SSH2: variants seen among roughly 807,000 people sequenced by gnomAD.
SSH2 encodes protein phosphatase Slingshot homolog 2.
A neutral mutation model predicts 135.2 loss-of-function variants in SSH2; 37 were observed. The ratio of observed to expected loss-of-function variants is 0.27; its 90% CI spans 0.21 to 0.36. The LOEUF (loss-of-function observed/expected upper bound fraction) is 0.36, where lower values mean the gene tolerates loss of function less well. SSH2 is among the 10% of genes least tolerant of loss of function. The probability of loss-of-function intolerance (pLI) is 1.00; values close to 1 mark genes in which losing one functional copy is unlikely to be tolerated. For missense variants in SSH2, 1,408 were observed against 1,765.3 expected, an observed-to-expected ratio of 0.80 and a Z score of 3.63; for synonymous variants, 628 against 646.2, an observed-to-expected ratio of 0.97 and a Z score of 0.43.
rs1178563806 is a variant in SSH2 at position 29,883,340 on chromosome 17, C to T, written c.64-34411G>A. 2.0e-5 allele frequency among the ~76,000 whole-genome samples: 3 copies of T among 151,974 alleles called. No homozygotes were observed. The East Asian group carries it at 5.8e-4, about 29-fold the overall frequency. ...ATGTTAGGTGTCATTTTATTGAGTG[C>T]CCACTATGTGCTTAACAGCTGTAAA... On this transcript the variant is annotated intron_variant, in intron 1 of 15. Coordinates refer to ENST00000540801, the MANE Select transcript of SSH2 (RefSeq NM_001282129.2).
chr17:29,772,685 C>T lies in SSH2; in HGVS notation c.188+21209G>A, dbSNP rs569579092. Among the ~76,000 whole-genome samples, 71 of 151,998 alleles carry T rather than the reference C, an allele frequency of 4.7e-4. 1 individual carries two copies. The highest frequency in any genetic ancestry group is 1.6e-3 in the African/African-American group (68 of 41,432). On this transcript the variant is annotated intron_variant, in intron 3 of 15. Coordinates refer to ENST00000540801, the MANE Select transcript of SSH2 (RefSeq NM_001282129.2). ...CAACCAATCTACCTGGGCTACAGGC[C>T]GAGATAGAACATAAAAGGAGAAAAA...
intron 2 of SSH2, among the ~76,000 whole-genome samples, chr17:29,837,619 C>A (rs1046615350): frequency 7.2e-5 from 11 of 152,330 alleles, no homozygotes; most frequent in African/African-American, 2.2e-4. Flanking sequence ...CCCACTCTCC[C>A]AGGCCCAGAG....
At chr17:29,743,212 G>GC (rs1451277540) in intron 3 of SSH2, among the ~76,000 whole-genome samples, 1 of 152,194 alleles carries the variant, frequency 6.6e-6, no homozygotes, top group Non-Finnish European at 1.5e-5. Flanking sequence ...ACCATGCATA[G>GC]CACAGAAGTT....
At chr17:29,926,462 G>C (rs929436989) in intron 1 of SSH2, among the ~76,000 whole-genome samples, 1 of 151,660 alleles carries the variant, frequency 6.6e-6, no homozygotes. Flanking sequence ...GCTGAGGTGC[G>C]AGGATCACTT....
rs1471926081 is a variant in SSH2, at chr17:29,913,348, A to T, written c.63+16590T>A. ...AAAAAAAAAAAAAAAAAAAAAAAAAATATATATATATATATATATATATAT... is the reference window on the plus strand; with the variant it reads ...AAAAAAAAAAAAAAAAAAAAAAAAATTATATATATATATATATATATATAT... On this transcript the variant is annotated intron_variant, in intron 1 of 15. Coordinates refer to ENST00000540801, the MANE Select transcript of SSH2 (RefSeq NM_001282129.2). Among the ~76,000 whole-genome samples the T allele has an allele frequency of 2.3e-3, 32 of 13,684 alleles. 2 individuals are homozygous for T. The highest frequency in any genetic ancestry group is 5.9e-3 in the South Asian group (1 of 170). The allele number at this position is 13,684 out of a possible 152,430, so 9.0% of individuals were successfully genotyped here.
chr17:29,882,761 A>C lies in SSH2; in HGVS notation c.64-33832T>G, dbSNP rs143099475. Among the ~76,000 whole-genome samples the C allele has an allele frequency of 7.3e-3, 1,109 of 152,222 alleles. 20 individuals are homozygous for C. Among genetic ancestry groups the C allele is most frequent in the African/African-American group, 0.025 (1,054 of 41,534 alleles). On this transcript the variant is annotated intron_variant, in intron 1 of 15. Transcript: ENST00000540801. Reference sequence around the variant, plus strand: ...AGCAAAACTCCATCTCAAAAATAACAAATAAATAAAATAAAGATGCTCCCA... The same window carrying C: ...AGCAAAACTCCATCTCAAAAATAACCAATAAATAAAATAAAGATGCTCCCA...
At chr17:29,915,573 T>C (rs1437844216) in intron 1 of SSH2, among the ~76,000 whole-genome samples, 1 of 152,190 alleles carries the variant, frequency 6.6e-6, no homozygotes, top group Admixed American at 6.5e-5. Flanking sequence ...TGCAACGATC[T>C]GTCCCACTAT....
rs1191051835 is a variant in SSH2, at chr17:29,631,281, G to T, written c.3913C>A (p.Pro1305Thr). 1.5e-5 allele frequency: 25 copies of T among 1,613,970 alleles called. No individual in the cohort carries two copies. The highest frequency in any genetic ancestry group is 2.7e-5 in the African/African-American group (2 of 74,866). ...LCKDCLPEREPASCESPHLKL... is the reference protein window; with the variant it reads ...LCKDCLPERETASCESPHLKL... ...AGATGAGGGGATTCACAGGAGGCAGGCTCCCTCTCTGGTAAGCAGTCTTTA... is the reference window on the plus strand; with the variant it reads ...AGATGAGGGGATTCACAGGAGGCAGTCTCCCTCTCTGGTAAGCAGTCTTTA... The change falls in exon 16 of 16, where the codon CCT becomes ACT. Residue 1305 changes from proline (P) to threonine (T), a missense_variant. Pro to Thr is a conservative substitution (Grantham distance 38, BLOSUM62 -1). Around this residue, in one of 3 missense-constraint regions of SSH2, gnomAD observed 1,080 missense variants for 1,144.5 expected, o/e 0.94. Transcript: ENST00000540801.
At chr17:29,883,078 T>A (rs1189508453) in intron 1 of SSH2, 1 of 151,752 alleles carries the variant, frequency 6.6e-6, no homozygotes, top group Non-Finnish European at 1.5e-5. Flanking sequence ...CCTTAAACCT[T>A]GTTACAATAT....
chr17:29,753,930 A>T (rs1175929813), intron 3 of SSH2, among the ~76,000 whole-genome samples: 2 of 152,226 alleles, frequency 1.3e-5, no homozygotes, highest in African/African-American at 2.4e-5. Flanking sequence ...AAATGTTTAC[A>T]TATGTATACA....
At chr17:29,745,400 C>A (rs771776606) in intron 3 of SSH2, among the ~76,000 whole-genome samples, 1 of 152,190 alleles carries the variant, frequency 6.6e-6, no homozygotes, top group Non-Finnish European at 1.5e-5. Context: ...ACTCAAGTGA[C>A]CCGCCTGCCT....
At chr17:29,654,957 A>G (rs1465923993) in intron 12 of SSH2, among the ~76,000 whole-genome samples, 1 of 152,354 alleles carries the variant, frequency 6.6e-6, no homozygotes, top group African/African-American at 2.4e-5. Flanking sequence ...AACCCTACAT[A>G]TGCAATTCTA....
chr17:29,716,099 G>A (rs1227854494), intron 3 of SSH2, among the ~76,000 whole-genome samples: 4 of 152,100 alleles, frequency 2.6e-5, no homozygotes, highest in Non-Finnish European at 4.4e-5. Flanking sequence ...AGAGAATGAT[G>A]TGACCTATGT....
intron 3 of SSH2, among the ~76,000 whole-genome samples, chr17:29,740,891 ATTC>A (rs2040531758): frequency 6.6e-6 from 1 of 152,230 alleles, no homozygotes; most frequent in African/African-American, 2.4e-5. Flanking sequence ...TGGCTTTAAA[ATTC>A]TTTAAGTCTA....
Position 29,631,761 on chromosome 17 carries a change from C to A in SSH2, c.3433G>T (p.Val1145Phe), listed in dbSNP as rs768942538. 1 of 1,614,186 alleles carries A rather than the reference C, an allele frequency of 6.2e-7. No individual in the cohort carries two copies. The change falls in exon 16 of 16, where the codon GTC becomes TTC. Residue 1145 changes from valine to phenylalanine, a missense_variant. Physicochemically the swap from Val to Phe is conservative, Grantham distance 50. Around this residue, in one of 3 missense-constraint regions of SSH2, gnomAD observed 1,080 missense variants for 1,144.5 expected, o/e 0.94. Coordinates refer to ENST00000540801, the MANE Select transcript of SSH2 (RefSeq NM_001282129.2). ...STALETAAPF[V>F]SHTTHLLSAS... ...GACAGTAAATGGGTTGTATGACTGACAAAAGGTGCTGCTGTCTCCAGGGCT... is the reference window on the plus strand; with the variant it reads ...GACAGTAAATGGGTTGTATGACTGAAAAAAGGTGCTGCTGTCTCCAGGGCT...
At chr17:29,785,491 A>ATTT (rs34346245) in intron 3 of SSH2, among the ~76,000 whole-genome samples, 83 of 78,484 alleles carry the variant, frequency 1.1e-3, no homozygotes, top group Non-Finnish European at 1.2e-3. Flanking sequence ...TTGGCGTTTC[A>ATTT]TTTTTTTTTT....
At chr17:29,814,252 G>GGTGAAACCCC (rs1368370264) in intron 2 of SSH2, among the ~76,000 whole-genome samples, 1 of 147,396 alleles carries the variant, frequency 6.8e-6, no homozygotes, top group Non-Finnish European at 1.5e-5. Flanking sequence ...TGGCTAACAT[G>GGTGAAACCCC]GTGAAACCCC....
chr17:29,709,009 T>TAGAG (rs1365233569), intron 3 of SSH2, among the ~76,000 whole-genome samples: 16 of 103,042 alleles, frequency 1.6e-4, no homozygotes, highest in African/African-American at 4.9e-4. Context: ...TATATATATA[T>TAGAG]ATATATAGAG....
chr17:29,825,357 T>C (rs1026124787), intron 2 of SSH2, among the ~76,000 whole-genome samples: 10 of 152,182 alleles, frequency 6.6e-5, no homozygotes, highest in African/African-American at 2.4e-4. Context: ...ATACAAAGAT[T>C]ATAATAATTA....
Sources: gnomAD v4.1 joint callset for allele counts (sites outside exome capture counted in the v4.1 genomes callset) on GRCh38, gnomAD v4.1.1 for gene constraint, gnomAD v4.1.1 regional missense constraint, MANE v1.5 for transcripts, NCBI Gene and HGNC (gene_info 2026-07-23, HGNC 2026-07-21) for gene names.